KIAA0232: variants seen among roughly 807,000 people sequenced by gnomAD.
The protein encoded by KIAA0232 is KIAA0232.
KIAA0232 carries 27 observed loss-of-function variants against 122.0 expected under a neutral mutation model. That is an observed-to-expected ratio of 0.22 (90% CI 0.16 to 0.31). KIAA0232 has a LOEUF of 0.31. KIAA0232 is among the 10% of genes least tolerant of loss of function. The pLI, the probability that KIAA0232 is intolerant of heterozygous loss-of-function variation, is 1.00. For synonymous variants in KIAA0232, 613 were observed against 587.6 expected, an observed-to-expected ratio of 1.04 and a Z score of -0.63; for missense variants, 1,551 against 1,634.2, an observed-to-expected ratio of 0.95 and a Z score of 0.88.
At chr4:6,847,534 TC>T (rs1241885335) in intron 4 of KIAA0232, among the ~76,000 whole-genome samples, 2 of 152,240 alleles carry the variant, frequency 1.3e-5, no homozygotes, top group Non-Finnish European at 2.9e-5. Flanking sequence ...GGTGAATATT[TC>T]TCCAGGGAAT....
At chr4:6,851,012 A>T (rs984509353) in intron 4 of KIAA0232, among the ~76,000 whole-genome samples, 3 of 152,190 alleles carry the variant, frequency 2.0e-5, no homozygotes, top group East Asian at 3.8e-4. Context: ...TATGTACAGT[A>T]CTTTTTCTTG....
chr4:6,867,899 CTG>C (rs991234850), intron 7 of KIAA0232, among the ~76,000 whole-genome samples: 14 of 152,268 alleles, frequency 9.2e-5, no homozygotes, highest in African/African-American at 3.1e-4. Context: ...CTCTGCACCT[CTG>C]TGAACTGAGG....
At chr4:6,854,580 G>A (rs1404852389) in intron 4 of KIAA0232, among the ~76,000 whole-genome samples, 5 of 152,186 alleles carry the variant, frequency 3.3e-5, no homozygotes, top group African/African-American at 4.8e-5. Flanking sequence ...ACTTGCCAGC[G>A]TCTGTATGTG....
intron 2 of KIAA0232, among the ~76,000 whole-genome samples, chr4:6,809,997 G>T (rs1229916693): frequency 1.3e-5 from 2 of 151,994 alleles, no homozygotes; most frequent in East Asian, 3.9e-4. Context: ...TAAAGTGACC[G>T]TACTATCCAA....
intron 1 of KIAA0232, among the ~76,000 whole-genome samples, chr4:6,802,726 A>C (rs951536547): frequency 6.6e-6 from 1 of 152,160 alleles, no homozygotes; most frequent in Non-Finnish European, 1.5e-5. Flanking sequence ...CATAGAATAC[A>C]GAGTGGTGAT....
rs1720314915 is a variant in KIAA0232 at position 6,852,068 on chromosome 4, T to TA, written c.370-5095dup. On this transcript the variant is annotated intron_variant, in intron 4 of 9. Transcript: ENST00000307659. ...CTTTTTTTTTCAGCATTCTAAAGAG[T>TA]ATATAATCTGTGCCCTAGATCATGT... Among the ~76,000 whole-genome samples, 34 of 152,040 alleles carry TA rather than the reference T, an allele frequency of 2.2e-4. 1 individual carries two copies. The highest frequency in any genetic ancestry group is 2.2e-3 in the Admixed American group (34 of 15,260).
intron 9 of KIAA0232, among the ~76,000 whole-genome samples, chr4:6,880,302 CAGGTCTGTAGTGTCGCCTCA>C (rs1722003332): frequency 1.6e-4 from 2 of 12,898 alleles, no homozygotes; most frequent in Non-Finnish European, 5.4e-4. Flanking sequence ...TCCCAACACA[CAGGTCTGTAGTGTCGCCTCA>C]CCATCTGTAC....
In KIAA0232 at chr4:6,861,058, A is replaced by C. The variant is rs1472088658; in HGVS notation, c.676A>C (p.Asn226His). 3.1e-6 allele frequency: 5 copies of C among 1,614,098 alleles called. No individual in the cohort carries two copies. The African/African-American group carries it at 6.7e-5, about 22-fold the overall frequency. Reference sequence around the variant, plus strand: ...AGATACTTCCTCTCCTAAGGACTGCAACAGTGAAAGTGAAGTCACCAAGGA... The same window carrying C: ...AGATACTTCCTCTCCTAAGGACTGCCACAGTGAAAGTGAAGTCACCAAGGA... The part of the protein sequence containing the change: ...STDTSSPKDC[N>H]SESEVTKERS... Residue 226 changes from asparagine to histidine, a missense_variant, in exon 7 of 10, where the codon AAC (asparagine) becomes CAC (histidine). Asn to His is a moderately conservative substitution (Grantham distance 68). This residue lies in a region of KIAA0232 where 377 missense variants were observed against 381.7 expected (regional missense o/e 0.99). Transcript: ENST00000307659.
At position 6,883,785 on chromosome 4, in the gene KIAA0232, C is replaced by G. The variant is rs181768409; in HGVS notation, c.*2819C>G. 182 of 152,304 alleles carry G rather than the reference C, an allele frequency of 1.2e-3. 1 individual carries two copies. The highest frequency in any genetic ancestry group is 4.0e-3 in the African/African-American group (166 of 41,568). 9.4% of individuals were successfully genotyped at this position (152,304 alleles called of 1,614,324 possible). ...AGAAGTATAAGGGAAAAGGAAAACT[C>G]ATATGTCCTTCTGTCACTCTGAGAC... is the stretch of plus-strand genomic sequence containing the variant. On this transcript the variant is annotated 3_prime_UTR_variant, in exon 10 of 10. Coordinates refer to ENST00000307659, the MANE Select transcript of KIAA0232 (RefSeq NM_014743.3).
chr4:6,788,151 C>T (rs1352969433), intron 1 of KIAA0232, among the ~76,000 whole-genome samples: 6 of 152,176 alleles, frequency 3.9e-5, no homozygotes, highest in Non-Finnish European at 7.3e-5. Flanking sequence ...CTGCCTTGGC[C>T]TCCTGAGTAG....
At chr4:6,789,918 A>C (rs1716812968) in intron 1 of KIAA0232, among the ~76,000 whole-genome samples, 1 of 151,968 alleles carries the variant, frequency 6.6e-6, no homozygotes, top group Non-Finnish European at 1.5e-5. Flanking sequence ...AGTCCCAGCT[A>C]CTTAGGAGGC....
At chr4:6,824,066 T>C (rs976658818) in intron 2 of KIAA0232, 119 bp from the exon 3 acceptor site, 6 of 395,052 alleles carry the variant, frequency 1.5e-5, no homozygotes, top group Non-Finnish European at 2.2e-5. Context: ...ATCAGTGTTC[T>C]AAGATACCAA....
In KIAA0232 at chr4:6,858,373, A is replaced by G. The variant is rs373711068; in HGVS notation, c.437-52A>G. The stretch of plus-strand genomic sequence containing the variant: ...TTGAGAAACTTTGAAATACATTAGC[A>G]TTTATTAACTAGATATAAGACAAAT... On this transcript the variant is annotated intron_variant, in intron 5 of 9. Coordinates refer to ENST00000307659, the MANE Select transcript of KIAA0232 (RefSeq NM_014743.3). 4.3e-5 allele frequency: 47 copies of G among 1,101,410 alleles called. No individual in the cohort carries two copies. In the African/African-American group the frequency reaches 6.3e-4, roughly 15 times the overall value. 68.2% of individuals were successfully genotyped at this position (1,101,410 alleles called of 1,614,324 possible).
At chr4:6,854,938 A>T (rs1490967467) in intron 4 of KIAA0232, among the ~76,000 whole-genome samples, 2 of 152,176 alleles carry the variant, frequency 1.3e-5, no homozygotes, top group Non-Finnish European at 2.9e-5. Context: ...GTGAATAAAA[A>T]TTTCTCATTA....
chr4:6,806,700 C>G (rs909524764), intron 2 of KIAA0232, among the ~76,000 whole-genome samples: 5 of 124,290 alleles, frequency 4.0e-5, no homozygotes, highest in Admixed American at 2.0e-4. Flanking sequence ...TGCCACTGCA[C>G]TCCATCCTGG....
intron 3 of KIAA0232, among the ~76,000 whole-genome samples, chr4:6,839,624 G>A (rs1002185052): frequency 6.6e-6 from 1 of 152,204 alleles, no homozygotes; most frequent in African/African-American, 2.4e-5. Context: ...AATAGGAGGG[G>A]CCTGATGCTG....
At chr4:6,800,545 G>C (rs1399587450) in intron 1 of KIAA0232, among the ~76,000 whole-genome samples, 1 of 151,912 alleles carries the variant, frequency 6.6e-6, no homozygotes, top group Non-Finnish European at 1.5e-5. Flanking sequence ...GCTGGGTGTG[G>C]TGGTATGCAC....
At chr4:6,866,343 C>A in intron 7 of KIAA0232, 1 of 416,876 alleles carries the variant, frequency 2.4e-6, no homozygotes, top group Non-Finnish European at 3.2e-6. Context: ...TCCCAGAGGA[C>A]ATTTTGGGAT....
At chr4:6,796,160 T>G (rs1189988153) in intron 1 of KIAA0232, among the ~76,000 whole-genome samples, 1 of 152,166 alleles carries the variant, frequency 6.6e-6, no homozygotes, top group East Asian at 1.9e-4. Context: ...ATATGTAATA[T>G]GTGGAATTGG....
Sources: allele counts gnomAD v4.1 joint callset (sites outside exome capture counted in the v4.1 genomes callset), GRCh38; gene constraint gnomAD v4.1.1; regional missense constraint gnomAD v4.1.1; transcripts MANE v1.5; gene names NCBI Gene and HGNC (gene_info 2026-07-23, HGNC 2026-07-21).